UNK: variants seen among roughly 807,000 people sequenced by gnomAD.
The protein encoded by UNK is unk zinc finger.
In UNK, 32 loss-of-function variants were observed where a neutral mutation model predicts 97.6. The observed-to-expected ratio is 0.33, with a 90% confidence interval of 0.25 to 0.44. The LOEUF is 0.44. Among genes scored for constraint, UNK ranks in the 20% least tolerant of loss-of-function variants. UNK has a pLI of 1.00. For synonymous variants in UNK, 441 were observed against 461.2 expected, an observed-to-expected ratio of 0.96 and a Z score of 0.56; for missense variants, 771 against 1,098.4, an observed-to-expected ratio of 0.70 and a Z score of 4.21.
Position 75,815,359 on chromosome 17 carries a change from G to C in UNK, c.961+106G>C, listed in dbSNP as rs1289735609. The C allele has an allele frequency of 3.8e-6, 4 of 1,058,202 alleles. No homozygotes were observed. In the East Asian group the frequency reaches 9.8e-5, roughly 26 times the overall value. 65.6% of individuals were successfully genotyped at this position (1,058,202 alleles called of 1,614,324 possible). ...GGCCCCTGGCAGTATGCCCTGCACA[G>C]GAGTTCTGGCCTGCCAGCAGCAGGC... On this transcript the variant is annotated intron_variant, in intron 7 of 15. Transcript: ENST00000589666.
intron 1 of UNK, among the ~76,000 whole-genome samples, chr17:75,804,184 T>C (rs542641369): frequency 4.7e-4 from 72 of 152,270 alleles, no homozygotes; most frequent in Non-Finnish European, 7.9e-4. Flanking sequence ...GTGGGCGTGG[T>C]GGCTTATGCC....
intron 1 of UNK, 103 bp from the exon 2 acceptor site, chr17:75,809,657 C>CCT: frequency 7.7e-7 from 1 of 1,295,724 alleles, no homozygotes; most frequent in South Asian, 1.4e-5. Flanking sequence ...AACTAGCACC[C>CCT]CAGAGCAGGG....
Position 75,816,943 on chromosome 17 carries a change from A to C in UNK, c.1104+31A>C. 6.3e-7 allele frequency: 1 copy of C among 1,581,078 alleles called. No homozygotes were observed. On this transcript the variant is annotated intron_variant, in intron 8 of 15. Coordinates refer to ENST00000589666, the MANE Select transcript of UNK (RefSeq NM_001080419.3). The surrounding 1 kb of genome is among the most constrained non-coding windows in gnomAD (Gnocchi z 4.0). Reference sequence around the variant, plus strand: ...TGTCCATCCTGGGGAGTGGGTGGGCACCATGCCTGACAGAGCCAATACTTG... The same window carrying C: ...TGTCCATCCTGGGGAGTGGGTGGGCCCCATGCCTGACAGAGCCAATACTTG...
Position 75,823,301 on chromosome 17 carries a change from G to A in UNK, c.2056G>A (p.Gly686Ser), listed in dbSNP as rs2143835645. 3.7e-6 allele frequency: 6 copies of A among 1,607,860 alleles called. No homozygotes were observed. In the East Asian group the frequency reaches 1.3e-4, roughly 36 times the overall value. ...DAWKKEAEEA[G>S]ERASAAGAEC... ...CTGGAAGAAAGAGGCGGAGGAGGCT[G>A]GTGAGCGGGCCAGTGCGGCGGGCGC... Residue 686 changes from glycine to serine, a missense_variant, in exon 15 of 16, where the codon GGT becomes AGT. This residue lies in a region of UNK where 208 missense variants were observed against 257.4 expected (regional missense o/e 0.81). Transcript: ENST00000589666.
chr17:75,788,090 T>A (rs2061729717), intron 1 of UNK, among the ~76,000 whole-genome samples: 1 of 152,152 alleles, frequency 6.6e-6, no homozygotes, highest in Non-Finnish European at 1.5e-5. Context: ...CGGAGTGGAA[T>A]AATAATTGAT....
At chr17:75,820,167 G>A in intron 13 of UNK, 59 bp downstream of exon 13, 2 of 1,539,286 alleles carry the variant, frequency 1.3e-6, no homozygotes, top group Non-Finnish European at 1.8e-6. Context: ...CCTTTAGGAG[G>A]TGCCTCTGGC....
At position 75,817,339 on chromosome 17, in the gene UNK, A is replaced by G; in HGVS notation, c.1118A>G (p.Asn373Ser). The G allele has an allele frequency of 6.3e-7, 1 of 1,588,564 alleles. No homozygotes were observed. Among genetic ancestry groups the G allele is most frequent in the Non-Finnish European group, 8.6e-7 (1 of 1,164,646 alleles). ...APDLSALLCR[N>S]SSLGSPSNLC... is the part of the protein sequence containing the mutation. ...CCTTCTCCGCAGCTCCTCTGTAGAA[A>G]CAGCAGCCTAGGCAGCCCGTCTAAC... The change falls in exon 9 of 16, where the codon AAC (asparagine) becomes AGC (serine). Residue 373 changes from asparagine to serine, a missense_variant. This residue lies in a region of UNK where 192 missense variants were observed against 202.4 expected (regional missense o/e 0.95). Coordinates refer to ENST00000589666, the MANE Select transcript of UNK (RefSeq NM_001080419.3). This position sits in a 1 kb window ranked among gnomAD's most constrained non-coding sequence, Gnocchi z 5.8.
chr17:75,806,772 CAA>C (rs1187781793), intron 1 of UNK, among the ~76,000 whole-genome samples: 1 of 151,968 alleles, frequency 6.6e-6, no homozygotes, highest in Non-Finnish European at 1.5e-5. Flanking sequence ...GACTCCGTCT[CAA>C]AAAAATAATA....
intron 1 of UNK, among the ~76,000 whole-genome samples, chr17:75,788,821 T>C (rs1277043854): frequency 6.6e-6 from 1 of 152,218 alleles, no homozygotes; most frequent in Non-Finnish European, 1.5e-5. Context: ...TTCTTATACA[T>C]TAATTAATTT....
intron 5 of UNK, among the ~76,000 whole-genome samples, 176 bp from the exon 6 acceptor site, chr17:75,813,585 C>T (rs916777413): frequency 1.3e-5 from 2 of 152,178 alleles, no homozygotes; most frequent in Non-Finnish European, 2.9e-5. Context: ...TGTGGTGATT[C>T]GGCCAGGCTG....
intron 1 of UNK, 174 bp downstream of exon 1, chr17:75,785,158 A>G (rs1190348446): frequency 1.9e-6 from 1 of 519,338 alleles, no homozygotes; most frequent in Non-Finnish European, 3.4e-6. Flanking sequence ...TCCAACTGCC[A>G]CCAACCTCTG....
In UNK at chr17:75,820,055, T is replaced by G. The variant is rs1170944007; in HGVS notation, c.1784T>G (p.Leu595Arg). The change falls in exon 13 of 16, where the codon CTG becomes CGG. Residue 595 changes from leucine to arginine, a missense_variant. By Grantham distance (102) the Leu-to-Arg change is moderately radical. Around this residue, in one of 5 missense-constraint regions of UNK, gnomAD observed 91 missense variants for 173.1 expected, o/e 0.53. Transcript: ENST00000589666. ...TTCCTGCAGCAGCCCCAGGGCCACCTGAGTCAGTCGGAAAACACATTTTTG... is the reference window on the plus strand; with the variant it reads ...TTCCTGCAGCAGCCCCAGGGCCACCGGAGTCAGTCGGAAAACACATTTTTG... Reference protein sequence around the residue: ...SHFLQQPQGHLSQSENTFLGT... With the variant: ...SHFLQQPQGHRSQSENTFLGT... 2 of 1,613,654 alleles carry G rather than the reference T, an allele frequency of 1.2e-6. No homozygotes were observed. Among genetic ancestry groups the G allele is most frequent in the Non-Finnish European group, 1.7e-6 (2 of 1,179,814 alleles).
chr17:75,812,938 G>A (rs758965937), intron 4 of UNK, 140 bp from the exon 5 acceptor site: 36 of 1,241,112 alleles, frequency 2.9e-5, no homozygotes, highest in Non-Finnish European at 3.8e-5. Context: ...CTGGGAGGAG[G>A]GGCCCTACTC....
At chr17:75,810,077 A>G (rs760520852) in intron 2 of UNK, 108 bp downstream of exon 2, 44 of 1,374,752 alleles carry the variant, frequency 3.2e-5, no homozygotes, top group Non-Finnish European at 4.1e-5. Context: ...GACTGGTTGC[A>G]GCCCAGCCCA....
chr17:75,819,909 C>T lies in UNK; in HGVS notation c.1649-11C>T. ...CTCACCCAGCCCGTCCTCCCCGGGC[C>T]TCTCTTGCAGGCGGCAGCTTGCTGC... On this transcript the variant is annotated splice_polypyrimidine_tract_variant and intron_variant, in intron 12 of 15. Transcript: ENST00000589666. The surrounding 1 kb of genome is among the most constrained non-coding windows in gnomAD (Gnocchi z 5.4). 3 of 1,605,700 alleles carry T rather than the reference C, an allele frequency of 1.9e-6. No individual in the cohort carries two copies. The highest frequency in any genetic ancestry group is 1.7e-6 in the Non-Finnish European group (2 of 1,175,574).
intron 1 of UNK, among the ~76,000 whole-genome samples, chr17:75,786,808 G>T (rs2061716326): frequency 6.6e-6 from 1 of 152,148 alleles, no homozygotes; most frequent in South Asian, 2.1e-4. Flanking sequence ...AGTGAGCCGA[G>T]ATCGTGCCAC....
intron 13 of UNK, chr17:75,821,459 A>T (rs1259068982): frequency 2.3e-6 from 1 of 444,440 alleles, no homozygotes; most frequent in Non-Finnish European, 4.6e-6. Context: ...GATGGGTGGG[A>T]CAGGAGAGCT....
At chr17:75,797,803 C>T (rs1599364442) in intron 1 of UNK, among the ~76,000 whole-genome samples, 2 of 152,186 alleles carry the variant, frequency 1.3e-5, no homozygotes, top group East Asian at 1.9e-4. Flanking sequence ...ATTCCACCGG[C>T]TCAATCTCTT....
intron 2 of UNK, among the ~76,000 whole-genome samples, chr17:75,811,754 T>TGAGGTGGGCAGATCATGAGGTCAG (rs2061971142): frequency 6.6e-6 from 1 of 152,116 alleles, no homozygotes. Context: ...TTTGGGAGGT[T>TGAGGTGGGCAGATCATGAGGTCAG]GAGGTGGGCA....
Sources: allele counts gnomAD v4.1 joint callset (sites outside exome capture counted in the v4.1 genomes callset), GRCh38; gene constraint gnomAD v4.1.1; regional missense constraint gnomAD v4.1.1; non-coding constraint Gnocchi (gnomAD v3.1); transcripts MANE v1.5; gene names NCBI Gene and HGNC (gene_info 2026-07-23, HGNC 2026-07-21).